The following TRHDE variants were observed in gnomAD, a reference collection of about 807,000 sequenced individuals.
The protein encoded by TRHDE is thyrotropin-releasing hormone-degrading ectoenzyme.
Under a neutral mutation model 125.7 loss-of-function variants are expected in TRHDE, and 72 were observed. The observed-to-expected ratio is 0.57, with a 90% CI of 0.47 to 0.70. The LOEUF is 0.70. TRHDE is among the 30% of genes least tolerant of loss of function. The probability of loss-of-function intolerance (pLI) is 0.00; values close to 1 mark genes in which losing one functional copy is unlikely to be tolerated. For synonymous variants in TRHDE, 509 were observed against 509.1 expected (o/e 1.00, Z 0.00); for missense variants, 1,110 against 1,327.1 (o/e 0.84, Z 2.54).
intron 12 of TRHDE, among the ~76,000 whole-genome samples, chr12:72,604,314 T>C (rs1478432720): frequency 6.6e-6 from 1 of 152,008 alleles, no homozygotes; most frequent in Admixed American, 6.6e-5. Flanking sequence ...GGTGTTAAGT[T>C]TTTTTTTAAA....
At chr12:72,259,045 A>C (rs1878886059) in intron 2 of TRHDE, among the ~76,000 whole-genome samples, 1 of 152,176 alleles carries the variant, frequency 6.6e-6, no homozygotes, top group Non-Finnish European at 1.5e-5. Flanking sequence ...ATTTTGTAGA[A>C]AGATACTTTG....
chr12:72,519,382 C>T (rs949508811), intron 6 of TRHDE, among the ~76,000 whole-genome samples: 2 of 152,098 alleles, frequency 1.3e-5, no homozygotes, highest in Non-Finnish European at 2.9e-5. Flanking sequence ...TTTCTCACTT[C>T]GTTTCATTCA....
At chr12:72,285,581 C>T (rs538526127) in intron 1 of TRHDE, among the ~76,000 whole-genome samples, 182 of 137,890 alleles carry the variant, frequency 1.3e-3, no homozygotes, top group Non-Finnish European at 2.2e-3. Flanking sequence ...AGTGCAGTGG[C>T]GCGATCTTGG....
At chr12:72,300,420 GAT>G (rs1441628627) in intron 2 of TRHDE, among the ~76,000 whole-genome samples, 1 of 150,832 alleles carries the variant, frequency 6.6e-6, no homozygotes, top group African/African-American at 2.4e-5. Flanking sequence ...AGCTCACAGA[GAT>G]ATGTATTATA....
intron 2 of TRHDE, among the ~76,000 whole-genome samples, chr12:72,250,736 C>T (rs939644456): frequency 2.7e-5 from 4 of 150,890 alleles, no homozygotes; most frequent in Non-Finnish European, 5.9e-5. Flanking sequence ...GAGAAAAGGC[C>T]AGAGATAGTC....
At chr12:72,191,042 C>G (rs1480522818) in intron 2 of TRHDE, among the ~76,000 whole-genome samples, 2 of 152,154 alleles carry the variant, frequency 1.3e-5, no homozygotes, top group African/African-American at 2.4e-5. Context: ...ATGTTTTTAC[C>G]TCTCCTATAG....
At chr12:72,374,776 G>A (rs770298431) in intron 2 of TRHDE, among the ~76,000 whole-genome samples, 3 of 152,122 alleles carry the variant, frequency 2.0e-5, no homozygotes, top group African/African-American at 4.8e-5. Flanking sequence ...GTGATCTTTA[G>A]GTGAACAGTT....
chr12:72,107,767 G>A (rs771632096), intron 2 of TRHDE, among the ~76,000 whole-genome samples: 1 of 151,998 alleles, frequency 6.6e-6, no homozygotes, highest in Non-Finnish European at 1.5e-5. Flanking sequence ...CAATGGCTTT[G>A]ATCATTTGCT....
chr12:72,637,081 C>T (rs1249508208), intron 15 of TRHDE, among the ~76,000 whole-genome samples: 1 of 152,130 alleles, frequency 6.6e-6, no homozygotes, highest in African/African-American at 2.4e-5. Flanking sequence ...AGGAATGGTA[C>T]CAGTTCCTCC....
At chr12:72,292,269 G>T (rs1040398531) in intron 2 of TRHDE, among the ~76,000 whole-genome samples, 6 of 152,092 alleles carry the variant, frequency 3.9e-5, no homozygotes, top group Non-Finnish European at 8.8e-5. Flanking sequence ...GACCATTTTT[G>T]TCCTGACAGT....
intron 2 of TRHDE, among the ~76,000 whole-genome samples, chr12:72,323,012 G>A (rs945911514): frequency 6.6e-6 from 1 of 152,042 alleles, no homozygotes; most frequent in African/African-American, 2.4e-5. Flanking sequence ...TCAACAAGTA[G>A]AGCGAAGATT....
intron 2 of TRHDE, among the ~76,000 whole-genome samples, chr12:72,121,531 T>C (rs1281945401): frequency 6.6e-6 from 1 of 152,174 alleles, no homozygotes; most frequent in Non-Finnish European, 1.5e-5. Context: ...CCGCAATCAC[T>C]GTGCTCTCTT....
At chr12:72,261,060 G>T (rs574860206) in intron 2 of TRHDE, among the ~76,000 whole-genome samples, 1 of 152,252 alleles carries the variant, frequency 6.6e-6, no homozygotes, top group East Asian at 1.9e-4. Flanking sequence ...AGTATTTTAT[G>T]TATTTGAAAT....
At chr12:72,194,557 T>C (rs918852746) in intron 2 of TRHDE, among the ~76,000 whole-genome samples, 3 of 152,088 alleles carry the variant, frequency 2.0e-5, no homozygotes, top group Non-Finnish European at 4.4e-5. Flanking sequence ...CTGCTAGTAG[T>C]CCTGTTGTTG....
At chr12:72,366,882 C>T (rs1057495599) in intron 2 of TRHDE, among the ~76,000 whole-genome samples, 2 of 151,938 alleles carry the variant, frequency 1.3e-5, no homozygotes, top group Non-Finnish European at 2.9e-5. Flanking sequence ...TGAAATTTAG[C>T]GTAAGGCTGA....
chr12:72,486,064 G>A (rs1018771988), intron 5 of TRHDE, among the ~76,000 whole-genome samples: 2 of 152,098 alleles, frequency 1.3e-5, no homozygotes, highest in Admixed American at 1.3e-4. Flanking sequence ...CATTGCTGCT[G>A]TATCCTGCTC....
chr12:72,105,245 G>A (rs1292627733), intron 1 of TRHDE, among the ~76,000 whole-genome samples: 3 of 152,212 alleles, frequency 2.0e-5, no homozygotes, highest in East Asian at 3.8e-4. Context: ...GTAACTCAGA[G>A]AAGGTGTGGG....
At chr12:72,164,601 C>G (rs1453329511) in intron 2 of TRHDE, among the ~76,000 whole-genome samples, 2 of 152,158 alleles carry the variant, frequency 1.3e-5, no homozygotes, top group Admixed American at 1.3e-4. Flanking sequence ...GCTGGCTAGA[C>G]AAGTTATCTA....
intron 2 of TRHDE, among the ~76,000 whole-genome samples, chr12:72,308,141 T>C (rs1380744705): frequency 6.6e-6 from 1 of 151,934 alleles, no homozygotes; most frequent in Non-Finnish European, 1.5e-5. Flanking sequence ...AGACTATAAG[T>C]TGGGCTCTCA....
Sources: allele counts gnomAD v4.1 joint callset (sites outside exome capture counted in the v4.1 genomes callset), GRCh38; gene constraint gnomAD v4.1.1; transcripts MANE v1.5; gene names NCBI Gene and HGNC (gene_info 2026-07-23, HGNC 2026-07-21).